DNMBP: variants seen among roughly 807,000 people sequenced by gnomAD.
DNMBP encodes the protein dynamin binding protein.
DNMBP carries 87 observed loss-of-function variants against 150.0 expected under a neutral mutation model. The ratio of observed to expected loss-of-function variants is 0.58; its 90% CI spans 0.49 to 0.69. The LOEUF (loss-of-function observed/expected upper bound fraction) is 0.69, where lower values mean the gene tolerates loss of function less well. Ranked by LOEUF, DNMBP falls within the 30% of genes least tolerant of loss-of-function variation. The pLI, the probability that DNMBP is intolerant of heterozygous loss-of-function variation, is 0.00. For missense variants in DNMBP, 1,774 were observed against 1,949.0 expected (o/e 0.91, Z 1.69); for synonymous variants, 711 against 750.4 (o/e 0.95, Z 0.86).
chr10:100,000,471 G>T (rs1284355819), intron 1 of DNMBP, among the ~76,000 whole-genome samples: 1 of 152,098 alleles, frequency 6.6e-6, no homozygotes, highest in Admixed American at 6.5e-5. Flanking sequence ...CTACTTTCGG[G>T]AAAATGCAGC....
At chr10:99,921,697 A>C (rs1266249173) in intron 4 of DNMBP, among the ~76,000 whole-genome samples, 1 of 151,358 alleles carries the variant, frequency 6.6e-6, no homozygotes, top group Non-Finnish European at 1.5e-5. Flanking sequence ...CTACTGAAAA[A>C]AAAAAAAAAT....
Position 99,924,807 on chromosome 10 carries a change from T to C in DNMBP, c.2261-15661A>G, listed in dbSNP as rs1167687498. On this transcript the variant is annotated intron_variant, in intron 4 of 16. Transcript: ENST00000324109. ...CTTGAATACCAGAGTCCTAAAAACT[T>C]TGAGCTGTCTGTGTACTACTTCGCA... 2.6e-5 allele frequency among the ~76,000 whole-genome samples: 4 copies of C among 152,358 alleles called. No individual in the cohort carries two copies. In the East Asian group the frequency reaches 7.7e-4, roughly 29 times the overall value.
At chr10:99,943,661 G>C (rs539737698) in intron 4 of DNMBP, among the ~76,000 whole-genome samples, 23 of 152,134 alleles carry the variant, frequency 1.5e-4, no homozygotes, top group Admixed American at 3.3e-4. Flanking sequence ...AGGGCTGGGA[G>C]GCATGAACTA....
chr10:99,955,587 C>G lies in DNMBP; in HGVS notation c.1887G>C (p.Gln629His). ...VSTSPHLLVD[Q>H]NLKPAPPLVV... ...CCAAGGGTGGTGCAGGTTTTAGGTT[C>G]TGGTCAACCAGCAAATGGGGAGAAG... The change falls in exon 4 of 17, where the codon CAG (glutamine) becomes CAC (histidine). Residue 629 changes from glutamine to histidine, a missense_variant. Gln to His is a conservative substitution (Grantham distance 24). This residue lies in a region of DNMBP where 1,430 missense variants were observed against 1,492.5 expected (regional missense o/e 0.96). Coordinates refer to ENST00000324109, the MANE Select transcript of DNMBP (RefSeq NM_015221.4). 2 of 1,612,930 alleles carry G rather than the reference C, an allele frequency of 1.2e-6. No individual in the cohort carries two copies. The highest frequency in any genetic ancestry group is 1.7e-6 in the Non-Finnish European group (2 of 1,179,322).
rs1394006591 is a variant in DNMBP at position 99,967,164 on chromosome 10, T to A, written c.268+1951A>T. Among the ~76,000 whole-genome samples the A allele has an allele frequency of 2.0e-5, 3 of 152,084 alleles. No homozygotes were observed. The East Asian group carries it at 5.8e-4, about 29-fold the overall frequency. On this transcript the variant is annotated intron_variant, in intron 3 of 16. Coordinates refer to ENST00000324109, the MANE Select transcript of DNMBP (RefSeq NM_015221.4). ...CTGTAATCCCAGCTACTCGGGAGAC[T>A]GAGGTGGTAGCATCACTTGAGGCTA...
At chr10:99,929,843 A>G (rs761344089) in intron 4 of DNMBP, 8 of 702,806 alleles carry the variant, frequency 1.1e-5, no homozygotes, top group Non-Finnish European at 1.8e-5. Flanking sequence ...TGCTGCCCCC[A>G]TGTGCCTTTG....
chr10:99,945,747 C>T (rs1457920663), intron 4 of DNMBP, among the ~76,000 whole-genome samples: 1 of 152,040 alleles, frequency 6.6e-6, no homozygotes, highest in South Asian at 2.1e-4. Flanking sequence ...AATGTTTTAA[C>T]AGAAGAAATA....
At chr10:99,927,964 G>A (rs757347951) in intron 4 of DNMBP, among the ~76,000 whole-genome samples, 1 of 152,128 alleles carries the variant, frequency 6.6e-6, no homozygotes, top group Non-Finnish European at 1.5e-5. Flanking sequence ...GCGGGGGGAA[G>A]GGAAGAGGAA....
rs759618419 is a variant in DNMBP at position 99,955,634 on chromosome 10, G to A, written c.1840C>T (p.Arg614Cys). 13 of 1,614,108 alleles carry A rather than the reference G, an allele frequency of 8.1e-6. No homozygotes were observed. The highest frequency in any genetic ancestry group is 2.2e-5 in the East Asian group (1 of 44,898). ...GAAGTGGATACCGGAGTACAGGGAC[G>A]AGGTGGCGGTGGCCTTAGGGCCTTT... ...RRKALRPPPP[R>C]PCTPVSTSPH... Residue 614 changes from arginine to cysteine, a missense_variant, in exon 4 of 17, where the codon CGT (arginine) becomes TGT (cysteine). Transcript: ENST00000324109.
At chr10:99,952,507 C>G (rs1255418498) in intron 4 of DNMBP, among the ~76,000 whole-genome samples, 2 of 152,188 alleles carry the variant, frequency 1.3e-5, no homozygotes, top group Non-Finnish European at 2.9e-5. Context: ...GCATCTACTT[C>G]ATGCTGTAGC....
At chr10:99,976,239 T>C (rs1437443393) in intron 1 of DNMBP, among the ~76,000 whole-genome samples, 1 of 152,238 alleles carries the variant, frequency 6.6e-6, no homozygotes, top group African/African-American at 2.4e-5. Flanking sequence ...TTCAAACATA[T>C]AAACTCTACG....
In DNMBP at chr10:99,968,323, C is replaced by T. The variant is rs551101083; in HGVS notation, c.268+792G>A. On this transcript the variant is annotated intron_variant, in intron 3 of 16. Coordinates refer to ENST00000324109, the MANE Select transcript of DNMBP (RefSeq NM_015221.4). ...TAAATGGTAATATTGTTAGCAAAGC[C>T]GTACCCAGTTATTTTTTTCTCCCTC... Among the ~76,000 whole-genome samples, 24 of 152,174 alleles carry T rather than the reference C, an allele frequency of 1.6e-4. 2 individuals carry two copies. The South Asian group carries it at 3.5e-3, about 22-fold the overall frequency.
chr10:100,008,656 A>G (rs1487605975), intron 1 of DNMBP, among the ~76,000 whole-genome samples: 2 of 152,230 alleles, frequency 1.3e-5, no homozygotes, highest in African/African-American at 4.8e-5. Flanking sequence ...GACGTGTTTC[A>G]AGTTAACATG....
At chr10:99,967,116 T>C (rs2040627204) in intron 3 of DNMBP, among the ~76,000 whole-genome samples, 1 of 152,112 alleles carries the variant, frequency 6.6e-6, no homozygotes, top group Non-Finnish European at 1.5e-5. Context: ...ATCCTAATGA[T>C]ACTTCTTAAA....
chr10:99,927,003 C>T (rs1589421962), intron 4 of DNMBP: 2 of 152,320 alleles, frequency 1.3e-5, no homozygotes, highest in African/African-American at 4.8e-5. Flanking sequence ...CCTAACAGAC[C>T]TGCCCTAAAA....
chr10:100,004,295 T>G (rs2041046122), intron 1 of DNMBP, among the ~76,000 whole-genome samples: 1 of 151,246 alleles, frequency 6.6e-6, no homozygotes, highest in Non-Finnish European at 1.5e-5. Flanking sequence ...AATGTTTGGG[T>G]AGCCTGGTAA....
intron 16 of DNMBP, 152 bp downstream of exon 16, chr10:99,879,659 A>G: frequency 2.2e-6 from 3 of 1,388,028 alleles, no homozygotes; most frequent in Non-Finnish European, 2.9e-6. Context: ...CTCTGATGGC[A>G]GAGATTCCTT....
intron 3 of DNMBP, among the ~76,000 whole-genome samples, chr10:99,959,689 T>C (rs1437201067): frequency 6.6e-6 from 1 of 151,190 alleles, no homozygotes; most frequent in Admixed American, 6.6e-5. Flanking sequence ...CGCGTCTCTA[T>C]TTAAAATTTA....
At chr10:99,933,472 C>A (rs1393281473) in intron 4 of DNMBP, among the ~76,000 whole-genome samples, 1 of 152,106 alleles carries the variant, frequency 6.6e-6, no homozygotes, top group Non-Finnish European at 1.5e-5. Context: ...AACAGTTACC[C>A]TGTTGAAAAT....
Sources: gnomAD v4.1 joint callset for allele counts (sites outside exome capture counted in the v4.1 genomes callset) on GRCh38, gnomAD v4.1.1 for gene constraint, gnomAD v4.1.1 regional missense constraint, MANE v1.5 for transcripts, NCBI Gene and HGNC (gene_info 2026-07-23, HGNC 2026-07-21) for gene names.